Variants in NBEA observed in about 807,000 individuals in gnomAD.
The protein encoded by NBEA is lysosomal-trafficking regulator 2.
In NBEA, 44 loss-of-function variants were observed where a neutral mutation model predicts 343.4. The observed-to-expected ratio is 0.13, with a 90% CI of 0.10 to 0.16. NBEA has a LOEUF of 0.16. NBEA is among the 10% of genes least tolerant of loss of function. The probability of loss-of-function intolerance (pLI) is 1.00; values close to 1 mark genes in which losing one functional copy is unlikely to be tolerated. For missense variants in NBEA, 2,555 were observed against 3,631.3 expected, an observed-to-expected ratio of 0.70 and a Z score of 7.62; for synonymous variants, 1,175 against 1,238.7, an observed-to-expected ratio of 0.95 and a Z score of 1.08.
chr13:35,457,931 T>G (rs1337052465), intron 40 of NBEA, among the ~76,000 whole-genome samples: 3 of 152,228 alleles, frequency 2.0e-5, no homozygotes, highest in Non-Finnish European at 4.4e-5. Context: ...TTATGGCAGT[T>G]ATTCCATTGT....
Position 35,211,111 on chromosome 13 carries a change from T to C in NBEA, c.5580T>C (p.Ala1860=). The C allele has an allele frequency of 3.2e-6, 5 of 1,552,186 alleles. No homozygotes were observed. Among genetic ancestry groups the C allele is most frequent in the Non-Finnish European group, 4.4e-6 (5 of 1,146,988 alleles). The change falls in exon 33 of 59, where the codon GCT becomes GCC. Residue 1860 remains alanine (A), a synonymous_variant. Coordinates refer to ENST00000379939, the MANE Select transcript of NBEA (RefSeq NM_001385012.1). ...CCTCTTCTAGTTTTGTGAATGGTGC[T>C]ACTAGCAAAAACCTTCCAGCTGTAC... ...SSSSSSFVNG[A]TSKNLPAVQT... is the part of the protein sequence containing the mutation.
In NBEA at chr13:35,214,136, C is replaced by G. The variant is rs145259882; in HGVS notation, c.5648+2957C>G. On this transcript the variant is annotated intron_variant, in intron 33 of 58. Coordinates refer to ENST00000379939, the MANE Select transcript of NBEA (RefSeq NM_001385012.1). ...ATTATATGGCTATTAATAATCTACT[C>G]TTCTTTTCACCTGTTGATAGCCATC... is the stretch of plus-strand genomic sequence containing the variant. 3.9e-5 allele frequency among the ~76,000 whole-genome samples: 6 copies of G among 151,978 alleles called. No homozygotes were observed. In the East Asian group the frequency reaches 9.7e-4, roughly 24 times the overall value.
rs573132892 is a variant in NBEA at position 35,173,419 on chromosome 13, A to G, written c.4424-45A>G. 7.4e-6 allele frequency: 11 copies of G among 1,479,780 alleles called. No individual in the cohort carries two copies. In the Admixed American group the frequency reaches 2.1e-4, roughly 29 times the overall value. 91.7% of individuals were successfully genotyped at this position (1,479,780 alleles called of 1,614,324 possible). On this transcript the variant is annotated intron_variant, in intron 26 of 58. Transcript: ENST00000379939. Reference sequence around the variant, plus strand: ...CTTGCAACTTTTTCCAGGATATCAAAGTCAACAATTTATATTAACAATATG... The same window carrying G: ...CTTGCAACTTTTTCCAGGATATCAAGGTCAACAATTTATATTAACAATATG...
At chr13:35,228,565 C>T (rs1464413824) in intron 33 of NBEA, among the ~76,000 whole-genome samples, 1 of 152,042 alleles carries the variant, frequency 6.6e-6, no homozygotes, top group Non-Finnish European at 1.5e-5. Context: ...CACCAGCCTC[C>T]AGTGTCTATC....
chr13:35,358,789 T>C (rs1426874721), intron 38 of NBEA, among the ~76,000 whole-genome samples: 3 of 152,124 alleles, frequency 2.0e-5, no homozygotes, highest in Non-Finnish European at 4.4e-5. Flanking sequence ...GCCAAGTACT[T>C]TGAAGGAGCA....
intron 11 of NBEA, among the ~76,000 whole-genome samples, 172 bp downstream of exon 11, chr13:35,098,577 G>A (rs1335157417): frequency 2.0e-5 from 3 of 151,886 alleles, no homozygotes; most frequent in East Asian, 3.9e-4. Context: ...ACTGGGTATC[G>A]GAAGTGTAAT....
At chr13:35,232,011 A>C (rs2075001780) in intron 33 of NBEA, among the ~76,000 whole-genome samples, 1 of 152,178 alleles carries the variant, frequency 6.6e-6, no homozygotes, top group South Asian at 2.1e-4. Context: ...TATGAAATGG[A>C]AAATGCCTAC....
intron 34 of NBEA, among the ~76,000 whole-genome samples, chr13:35,280,823 T>C (rs1056050593): frequency 5.3e-5 from 8 of 152,176 alleles, no homozygotes; most frequent in South Asian, 4.1e-4. Flanking sequence ...ATTTCCTAGT[T>C]CATCCAATTT....
intron 1 of NBEA, among the ~76,000 whole-genome samples, chr13:34,967,526 AAGT>A (rs2059861790): frequency 6.6e-6 from 1 of 152,032 alleles, no homozygotes; most frequent in African/African-American, 2.4e-5. Flanking sequence ...TTTTGTCTTC[AAGT>A]AGTAATATCC....
chr13:34,983,654 C>G (rs1380813071), intron 1 of NBEA, among the ~76,000 whole-genome samples: 3 of 152,118 alleles, frequency 2.0e-5, no homozygotes, highest in African/African-American at 7.2e-5. Flanking sequence ...TAAAATTATT[C>G]CTATTTCTCC....
At chr13:35,352,099 T>C in intron 37 of NBEA, 58 bp from the exon 38 acceptor site, 1 of 1,063,768 alleles carries the variant, frequency 9.4e-7, no homozygotes, top group East Asian at 3.2e-5. Flanking sequence ...ATGTATATCA[T>C]CCTTACTTAT....
chr13:34,944,111 A>T (rs1432613760), intron 1 of NBEA, among the ~76,000 whole-genome samples: 1 of 152,220 alleles, frequency 6.6e-6, no homozygotes, highest in African/African-American at 2.4e-5. Context: ...CTTTTTAAAC[A>T]GTTTTCTCTG....
In NBEA at chr13:35,516,215, C is replaced by T. The variant is rs184827877; in HGVS notation, c.6586-34262C>T. ...GAAGCCTACATTTCATCCTTGTCTA[C>T]ATAGCAAGTTCCTATATTCAGGAAA... On this transcript the variant is annotated intron_variant, in intron 41 of 58. Transcript: ENST00000379939. 2.0e-4 allele frequency among the ~76,000 whole-genome samples: 30 copies of T among 152,236 alleles called. No individual in the cohort carries two copies. The East Asian group carries it at 3.7e-3, about 19-fold the overall frequency.
Position 35,050,215 on chromosome 13 carries a change from G to A in NBEA, c.846-54G>A, listed in dbSNP as rs1171480594. The A allele has an allele frequency of 1.2e-5, 18 of 1,519,296 alleles. No individual in the cohort carries two copies. The Admixed American group carries it at 2.0e-4, about 17-fold the overall frequency. 94.1% of individuals were successfully genotyped at this position (1,519,296 alleles called of 1,614,324 possible). A position where few individuals can be genotyped will look rare whatever the true frequency, so the allele number is the denominator to read the frequency against. ...TATAAGAATGTTTAATAGCCATTAG[G>A]TGTTTAGTTCTTTTTATCAGAGGAT... On this transcript the variant is annotated intron_variant, in intron 5 of 58. Transcript: ENST00000379939.
At chr13:35,298,470 A>G (rs2036309254) in intron 35 of NBEA, among the ~76,000 whole-genome samples, 1 of 151,634 alleles carries the variant, frequency 6.6e-6, no homozygotes, top group Non-Finnish European at 1.5e-5. Flanking sequence ...TAAAATATGA[A>G]ATATTTAATA....
At chr13:35,262,338 T>C (rs1421960828) in intron 34 of NBEA, among the ~76,000 whole-genome samples, 1 of 152,210 alleles carries the variant, frequency 6.6e-6, no homozygotes, top group African/African-American at 2.4e-5. Context: ...GTATTTTCCC[T>C]GAAGAAATGA....
intron 33 of NBEA, among the ~76,000 whole-genome samples, chr13:35,217,014 G>A (rs1044642388): frequency 3.9e-5 from 6 of 152,056 alleles, no homozygotes; most frequent in South Asian, 4.1e-4. Context: ...TGTTTCCACT[G>A]GCAATGTGTG....
chr13:35,391,035 G>T (rs1430738537), intron 38 of NBEA, among the ~76,000 whole-genome samples: 1 of 152,116 alleles, frequency 6.6e-6, no homozygotes, highest in African/African-American at 2.4e-5. Flanking sequence ...AACACTTTGG[G>T]AGGCCAAGAC....
intron 46 of NBEA, among the ~76,000 whole-genome samples, chr13:35,584,586 G>A (rs183459540): frequency 6.0e-5 from 9 of 150,500 alleles, no homozygotes; most frequent in African/African-American, 1.2e-4. Context: ...TGCAATCTCC[G>A]CCTCCCAGGT....
Sources: allele counts gnomAD v4.1 joint callset (sites outside exome capture counted in the v4.1 genomes callset), GRCh38; gene constraint gnomAD v4.1.1; transcripts MANE v1.5; gene names NCBI Gene and HGNC (gene_info 2026-07-23, HGNC 2026-07-21).